The following GRID2 variants were observed in gnomAD, a reference collection of about 807,000 sequenced individuals.
GRID2 encodes glutamate ionotropic receptor delta type subunit 2, also known as glutamate receptor ionotropic, delta-2.
GRID2 carries 33 observed loss-of-function variants against 114.8 expected under a neutral mutation model. The observed-to-expected ratio is 0.29, with a 90% CI of 0.22 to 0.38. The LOEUF (loss-of-function observed/expected upper bound fraction) is 0.38, where lower values mean the gene tolerates loss of function less well. Among genes scored for constraint, GRID2 ranks in the 10% least tolerant of loss-of-function variants. The probability of loss-of-function intolerance (pLI) is 1.00; values close to 1 mark genes in which losing one functional copy is unlikely to be tolerated. For synonymous variants in GRID2, 505 were observed against 449.9 expected (o/e 1.12, Z -1.55); for missense variants, 1,184 against 1,257.7 (o/e 0.94, Z 0.89).
chr4:93,218,899 G>A (rs1020341867), intron 6 of GRID2, among the ~76,000 whole-genome samples: 6 of 152,046 alleles, frequency 3.9e-5, no homozygotes, highest in South Asian at 4.1e-4. Flanking sequence ...TGGAAAAGCC[G>A]CTTATAAAAC....
chr4:92,762,155 C>A (rs955829476), intron 2 of GRID2, among the ~76,000 whole-genome samples: 3 of 152,028 alleles, frequency 2.0e-5, no homozygotes, highest in Non-Finnish European at 4.4e-5. Context: ...ACTCATGATC[C>A]ACCCCCCTCA....
intron 2 of GRID2, among the ~76,000 whole-genome samples, chr4:92,919,228 T>C (rs1018663134): frequency 4.6e-5 from 7 of 152,184 alleles, no homozygotes; most frequent in African/African-American, 1.7e-4. Context: ...TGCATCTATT[T>C]GATTCTTCTC....
At chr4:92,757,086 C>G (rs1243145278) in intron 2 of GRID2, among the ~76,000 whole-genome samples, 1 of 152,040 alleles carries the variant, frequency 6.6e-6, no homozygotes, top group South Asian at 2.1e-4. Context: ...AGTTTCAGGT[C>G]TTATGTTTAT....
intron 2 of GRID2, among the ~76,000 whole-genome samples, chr4:92,730,712 C>T (rs72663546): frequency 0.12 from 17,505 of 151,714 alleles, 1,351 homozygotes; most frequent in East Asian, 0.27. Flanking sequence ...GAAAATGTTC[C>T]CCGATTCTTT....
At chr4:92,455,867 C>A (rs1193269294) in intron 1 of GRID2, among the ~76,000 whole-genome samples, 1 of 152,026 alleles carries the variant, frequency 6.6e-6, no homozygotes, top group Admixed American at 6.6e-5. Flanking sequence ...TTGCTGCCTG[C>A]GATTTGATTG....
At chr4:92,919,285 A>G (rs1383600546) in intron 2 of GRID2, among the ~76,000 whole-genome samples, 1 of 151,954 alleles carries the variant, frequency 6.6e-6, no homozygotes, top group Non-Finnish European at 1.5e-5. Flanking sequence ...AATTTTGTTT[A>G]TCATTTCAAA....
At chr4:92,935,401 A>T (rs1750587206) in intron 2 of GRID2, among the ~76,000 whole-genome samples, 1 of 146,580 alleles carries the variant, frequency 6.8e-6, no homozygotes, top group African/African-American at 2.4e-5. Flanking sequence ...GCTGGAGAGG[A>T]TGTGGAGAAA....
chr4:93,051,917 T>A (rs1726760012), intron 2 of GRID2, among the ~76,000 whole-genome samples: 1 of 151,934 alleles, frequency 6.6e-6, no homozygotes, highest in African/African-American at 2.4e-5. Flanking sequence ...GGTAGTGTTT[T>A]TGCTTTCATA....
intron 2 of GRID2, among the ~76,000 whole-genome samples, chr4:92,609,312 G>T (rs914398912): frequency 2.0e-5 from 3 of 151,458 alleles, no homozygotes; most frequent in African/African-American, 7.3e-5. Flanking sequence ...GTGTCTATGT[G>T]CCAAGTATTA....
In GRID2 at chr4:93,798,131, C is replaced by T. The variant is rs764044727; in HGVS notation, c.222-8584C>T. On this transcript the variant is annotated intron_variant, in intron 1 of 1. Coordinates refer to the GRID2 transcript ENST00000637838. ...TCGCACCATCGCAATCCAGCCTGGG[C>T]GACAGGAGTGAAATTCCTTCTCAAG... Among the ~76,000 whole-genome samples the T allele has an allele frequency of 1.6e-4, 24 of 151,540 alleles. No homozygotes were observed. The East Asian group carries it at 2.3e-3, about 15-fold the overall frequency.
intron 4 of GRID2, among the ~76,000 whole-genome samples, chr4:93,117,076 A>C (rs1244452547): frequency 6.6e-6 from 1 of 152,202 alleles, no homozygotes; most frequent in East Asian, 1.9e-4. Context: ...CTTGATGAAT[A>C]ATGTGGCTAA....
intron 1 of GRID2, among the ~76,000 whole-genome samples, chr4:92,336,951 G>GTTTTTT (rs1474706431): frequency 1.2e-4 from 2 of 16,552 alleles, no homozygotes; most frequent in African/African-American, 2.9e-4. Context: ...GTCTTTCGTT[G>GTTTTTT]TTGTTTTTTT....
chr4:92,706,925 A>G (rs1734983499), intron 2 of GRID2, among the ~76,000 whole-genome samples: 1 of 152,170 alleles, frequency 6.6e-6, no homozygotes, highest in Admixed American at 6.5e-5. Flanking sequence ...TCCAGTCATC[A>G]TTTTTAGTCA....
At chr4:93,073,397 TTTCTC>T (rs760170352) in intron 2 of GRID2, among the ~76,000 whole-genome samples, 1 of 152,172 alleles carries the variant, frequency 6.6e-6, no homozygotes, top group Non-Finnish European at 1.5e-5. Context: ...AATATTTTCT[TTTCTC>T]TAGTTTACTG....
At chr4:92,742,187 T>C (rs144067725) in intron 2 of GRID2, among the ~76,000 whole-genome samples, 3 of 152,320 alleles carry the variant, frequency 2.0e-5, no homozygotes, top group South Asian at 2.1e-4. Context: ...TGTCAGCAGA[T>C]AGTACAATTT....
chr4:93,474,869 A>G (rs1416217813), intron 11 of GRID2, among the ~76,000 whole-genome samples: 2 of 152,190 alleles, frequency 1.3e-5, no homozygotes, highest in Admixed American at 6.6e-5. Context: ...ATACAGTTCT[A>G]AAACACTTAA....
At chr4:93,485,352 T>G (rs1224119173) in intron 11 of GRID2, among the ~76,000 whole-genome samples, 1 of 151,792 alleles carries the variant, frequency 6.6e-6, no homozygotes, top group African/African-American at 2.4e-5. Context: ...TTTCACTCTC[T>G]TTATGGTATC....
chr4:93,137,966 GTTTTTTTTT>G (rs753814961), intron 4 of GRID2, among the ~76,000 whole-genome samples: 2 of 78,380 alleles, frequency 2.6e-5, no homozygotes, highest in Non-Finnish European at 4.8e-5. Context: ...TTTTTTCTTC[GTTTTTTTTT>G]TTTTTTTTTT....
intron 2 of GRID2, among the ~76,000 whole-genome samples, chr4:92,688,648 C>T (rs1295222000): frequency 1.3e-5 from 2 of 152,178 alleles, no homozygotes; most frequent in Non-Finnish European, 1.5e-5. Context: ...TCTAATTTTA[C>T]TTCTCTTGCT....
Sources: gnomAD v4.1 joint callset for allele counts (sites outside exome capture counted in the v4.1 genomes callset) on GRCh38, gnomAD v4.1.1 for gene constraint, MANE v1.5 for transcripts, NCBI Gene and HGNC (gene_info 2026-07-23, HGNC 2026-07-21) for gene names.